MTMR2: variants seen among roughly 807,000 people sequenced by gnomAD.
The protein encoded by MTMR2 is phosphatidylinositol-3,5-bisphosphate 3-phosphatase MTMR2.
Under a neutral mutation model 86.9 loss-of-function variants are expected in MTMR2, and 55 were observed. The ratio of observed to expected loss-of-function variants is 0.63; its 90% CI spans 0.51 to 0.79. The LOEUF is 0.79. MTMR2 is among the 30% of genes least tolerant of loss of function. MTMR2 has a pLI of 0.00. For missense variants in MTMR2, 659 were observed against 772.3 expected (o/e 0.85, Z 1.74); for synonymous variants, 241 against 266.8 (o/e 0.90, Z 0.94).
At chr11:95,872,740 G>T (rs534846367) in intron 2 of MTMR2, among the ~76,000 whole-genome samples, 3 of 152,274 alleles carry the variant, frequency 2.0e-5, no homozygotes, top group Non-Finnish European at 4.4e-5. Flanking sequence ...GTATGATACT[G>T]GCTGTGGGTT....
In MTMR2 at chr11:95,836,223, A is replaced by G. The variant is rs1555056916; in HGVS notation, c.1695T>C (p.Tyr565=). 11 of 1,613,038 alleles carry G rather than the reference A, an allele frequency of 6.8e-6. No homozygotes were observed. Among genetic ancestry groups the G allele is most frequent in the Non-Finnish European group, 9.3e-6 (11 of 1,179,218 alleles). Residue 565 remains tyrosine, a synonymous_variant, in exon 14 of 15, where the codon TAT becomes TAC. Coordinates refer to ENST00000346299, the MANE Select transcript of MTMR2 (RefSeq NM_016156.6). ...LYGSYSNHVL[Y]PVASMRHLEL... is the part of the protein sequence containing the mutation. ...CTAGGTGGCGCATGCTGGCTACTGG[A>G]TAAAGGACATGATTGGAATAGCTCC...
chr11:95,835,041 T>TTGAA lies in MTMR2; in HGVS notation c.*245_*248dup, dbSNP rs1863197694. ...ACTTGTTCCCACTGTGAATCCAGGATTGAAGTATTTTAATATTCTTTGGAT... is the reference window on the plus strand; with the variant it reads ...ACTTGTTCCCACTGTGAATCCAGGATTGAATGAAGTATTTTAATATTCTTTGGAT... On this transcript the variant is annotated 3_prime_UTR_variant, in exon 15 of 15. Transcript: ENST00000346299. 1 of 476,154 alleles carries TTGAA rather than the reference T, an allele frequency of 2.1e-6. No individual in the cohort carries two copies. The highest frequency in any genetic ancestry group is 3.8e-6 in the Non-Finnish European group (1 of 261,066). 29.5% of individuals were successfully genotyped at this position (476,154 alleles called of 1,614,324 possible).
intron 9 of MTMR2, among the ~76,000 whole-genome samples, chr11:95,849,245 C>T (rs577565978): frequency 6.6e-5 from 10 of 152,086 alleles, no homozygotes; most frequent in Middle Eastern, 3.4e-3. Flanking sequence ...AGGTGGAGGA[C>T]GGTCAGAAGA....
chr11:95,923,773 T>G, intron 1 of MTMR2, 102 bp downstream of exon 1: 1 of 1,502,424 alleles, frequency 6.7e-7, no homozygotes, highest in Admixed American at 2.2e-5. Context: ...CGGCGTAGCC[T>G]TCAGAAACCA....
intron 1 of MTMR2, among the ~76,000 whole-genome samples, chr11:95,908,737 G>C (rs1866386752): frequency 6.6e-6 from 1 of 152,046 alleles, no homozygotes; most frequent in Admixed American, 6.6e-5. Flanking sequence ...TGCAAGCATT[G>C]GGGAAAGGAC....
intron 14 of MTMR2, 65 bp from the exon 15 acceptor site, chr11:95,835,516 C>T (rs1480594758): frequency 1.3e-6 from 2 of 1,531,282 alleles, no homozygotes; most frequent in Non-Finnish European, 1.8e-6. Context: ...CAAATCATTC[C>T]CTAAATGTTG....
intron 1 of MTMR2, among the ~76,000 whole-genome samples, chr11:95,901,762 C>T (rs1866082539): frequency 6.6e-6 from 1 of 152,150 alleles, no homozygotes; most frequent in African/African-American, 2.4e-5. Context: ...AAACTCAATG[C>T]ATGAGGATGA....
intron 7 of MTMR2, among the ~76,000 whole-genome samples, chr11:95,851,101 C>T (rs1033138002): frequency 3.4e-4 from 47 of 137,406 alleles, no homozygotes; most frequent in South Asian, 2.4e-4. Flanking sequence ...CTCACTCTGT[C>T]GCCCAGGCTG....
intron 1 of MTMR2, among the ~76,000 whole-genome samples, chr11:95,905,355 AC>A (rs1866228018): frequency 6.6e-6 from 1 of 151,908 alleles, no homozygotes; most frequent in Non-Finnish European, 1.5e-5. Flanking sequence ...ACACACACAC[AC>A]ACACACACAC....
Position 95,836,236 on chromosome 11 carries a change from T to G in MTMR2, c.1682A>C (p.Asn561Thr), listed in dbSNP as rs1181723967. The change falls in exon 14 of 15, where the codon AAT (asparagine) becomes ACT (threonine). Residue 561 changes from asparagine to threonine, a missense_variant. Asn to Thr is a moderately conservative substitution (Grantham distance 65). Transcript: ENST00000346299. ...FTNPLYGSYSNHVLYPVASMR... is the reference protein window; with the variant it reads ...FTNPLYGSYSTHVLYPVASMR... ...GCTGGCTACTGGATAAAGGACATGA[T>G]TGGAATAGCTCCCATAGAGAGGATT... 1 of 1,612,826 alleles carries G rather than the reference T, an allele frequency of 6.2e-7. No homozygotes were observed. The highest frequency in any genetic ancestry group is 8.5e-7 in the Non-Finnish European group (1 of 1,179,192).
intron 2 of MTMR2, among the ~76,000 whole-genome samples, chr11:95,869,264 G>A (rs1373269671): frequency 5.3e-5 from 8 of 151,216 alleles, no homozygotes; most frequent in Non-Finnish European, 1.2e-4. Context: ...GACAGTCCCT[G>A]ACTTACAGTG....
intron 1 of MTMR2, among the ~76,000 whole-genome samples, chr11:95,907,533 T>C (rs1023246168): frequency 9.2e-5 from 14 of 152,084 alleles, no homozygotes; most frequent in African/African-American, 2.9e-4. Flanking sequence ...ATCACTCTGA[T>C]ACAAAAGCCT....
chr11:95,837,040 C>T lies in MTMR2; in HGVS notation c.1594-716G>A, dbSNP rs577955529. 2.0e-4 allele frequency among the ~76,000 whole-genome samples: 30 copies of T among 152,018 alleles called. No individual in the cohort carries two copies. In the South Asian group the frequency reaches 3.1e-3, roughly 16 times the overall value. On this transcript the variant is annotated intron_variant, in intron 13 of 14. Coordinates refer to ENST00000346299, the MANE Select transcript of MTMR2 (RefSeq NM_016156.6). ...TTTTAAAAATAATCAATGATTCCTA[C>T]CCCAAGGCTCTCAAAAAATAAAACT...
intron 3 of MTMR2, 104 bp downstream of exon 3, chr11:95,865,497 G>A: frequency 9.6e-7 from 1 of 1,037,090 alleles, no homozygotes; most frequent in East Asian, 2.4e-5. Context: ...CTGCCAGACA[G>A]GAGGTGTCTC....
chr11:95,844,643 T>A (rs1451935170), intron 11 of MTMR2, among the ~76,000 whole-genome samples: 2 of 152,150 alleles, frequency 1.3e-5, no homozygotes, highest in African/African-American at 2.4e-5. Flanking sequence ...TAAAGACCCT[T>A]CTAAAAGTTT....
intron 1 of MTMR2, among the ~76,000 whole-genome samples, chr11:95,922,905 T>C (rs1866981674): frequency 1.3e-5 from 1 of 79,086 alleles, no homozygotes; most frequent in Non-Finnish European, 3.5e-5. Context: ...AAATGAAAAT[T>C]GTGTGTTTTC....
At chr11:95,862,787 G>A (rs1864473286) in intron 3 of MTMR2, among the ~76,000 whole-genome samples, 1 of 152,152 alleles carries the variant, frequency 6.6e-6, no homozygotes, top group African/African-American at 2.4e-5. Context: ...TGTCCAGTTT[G>A]TCAACATTCT....
At chr11:95,915,318 T>C (rs1332752870) in intron 1 of MTMR2, among the ~76,000 whole-genome samples, 1 of 152,142 alleles carries the variant, frequency 6.6e-6, no homozygotes, top group African/African-American at 2.4e-5. Context: ...GCTCATTTGC[T>C]GCTATCAGTA....
chr11:95,854,412 A>C (rs140793883), intron 7 of MTMR2, among the ~76,000 whole-genome samples: 3 of 152,320 alleles, frequency 2.0e-5, no homozygotes, highest in Admixed American at 1.3e-4. Context: ...AAGTTTGTTA[A>C]GTAATGCATG....
Sources: allele counts gnomAD v4.1 joint callset (sites outside exome capture counted in the v4.1 genomes callset), GRCh38; gene constraint gnomAD v4.1.1; transcripts MANE v1.5; gene names NCBI Gene and HGNC (gene_info 2026-07-23, HGNC 2026-07-21).